The following MECOM variants were observed in gnomAD, a reference collection of about 807,000 sequenced individuals.
The protein encoded by MECOM is MDS1 and EVI1 complex locus, also known as histone-lysine N-methyltransferase MECOM.
MECOM carries 13 observed loss-of-function variants against 116.3 expected under a neutral mutation model. The ratio of observed to expected loss-of-function variants is 0.11; its 90% CI spans 0.07 to 0.18. The LOEUF is 0.18. MECOM is among the 10% of genes least tolerant of loss of function. The probability of loss-of-function intolerance (pLI) is 1.00; values close to 1 mark genes in which losing one functional copy is unlikely to be tolerated. For missense variants in MECOM, 1,299 were observed against 1,509.0 expected (o/e 0.86, Z 2.31); for synonymous variants, 528 against 535.2 (o/e 0.99, Z 0.19).
chr3:169,234,799 C>T (rs1031663902), intron 2 of MECOM, among the ~76,000 whole-genome samples: 8 of 152,036 alleles, frequency 5.3e-5, no homozygotes, highest in Admixed American at 2.0e-4. Context: ...TTGACAATAC[C>T]ATCTATATGT....
At chr3:169,265,400 C>G (rs988714479) in intron 2 of MECOM, among the ~76,000 whole-genome samples, 3 of 152,220 alleles carry the variant, frequency 2.0e-5, no homozygotes, top group Non-Finnish European at 4.4e-5. Flanking sequence ...ATATCCTTCT[C>G]TATAGCAAGA....
At chr3:169,209,125 A>G (rs143456914) in intron 2 of MECOM, among the ~76,000 whole-genome samples, 2,580 of 152,252 alleles carry the variant, frequency 0.017, 38 homozygotes, top group Non-Finnish European at 0.021. Flanking sequence ...ATGGTGCTGG[A>G]AAATCTGGCT....
At chr3:169,231,014 C>T (rs1287407388) in intron 2 of MECOM, among the ~76,000 whole-genome samples, 2 of 152,022 alleles carry the variant, frequency 1.3e-5, no homozygotes, top group East Asian at 1.9e-4. Context: ...CTTCTCTCAT[C>T]CTTCATTCAT....
intron 2 of MECOM, among the ~76,000 whole-genome samples, chr3:169,268,663 C>T (rs765792740): frequency 1.2e-4 from 19 of 152,154 alleles, no homozygotes; most frequent in Admixed American, 3.9e-4. Flanking sequence ...TGCAACTTAC[C>T]GCACTCAACA....
At chr3:169,250,840 G>A (rs1756163219) in intron 2 of MECOM, among the ~76,000 whole-genome samples, 1 of 152,202 alleles carries the variant, frequency 6.6e-6, no homozygotes, top group Non-Finnish European at 1.5e-5. Context: ...CCCTTAAGAT[G>A]ATGGTAACTT....
rs77019304 is a variant in MECOM at position 169,205,417 on chromosome 3, T to G, written c.376-61585A>C. On this transcript the variant is annotated intron_variant, in intron 2 of 16. Coordinates refer to ENST00000651503, the MANE Select transcript of MECOM (RefSeq NM_004991.4). Reference sequence around the variant, plus strand: ...GAGTAGAAATGTACTCTTCTCCAGATGTACAGAATACTAATTTGAAAATGA... The same window carrying G: ...GAGTAGAAATGTACTCTTCTCCAGAGGTACAGAATACTAATTTGAAAATGA... Among the ~76,000 whole-genome samples, 67 of 152,328 alleles carry G rather than the reference T, an allele frequency of 4.4e-4. 1 individual carries two copies. The East Asian group carries it at 0.012, about 27-fold the overall frequency.
intron 2 of MECOM, among the ~76,000 whole-genome samples, chr3:169,183,938 C>G (rs536737192): frequency 6.6e-6 from 1 of 151,804 alleles, no homozygotes; most frequent in East Asian, 1.9e-4. Context: ...GATCTCGGCT[C>G]ACTGCAAGCT....
At chr3:169,424,648 A>G (rs1265382177) in intron 1 of MECOM, among the ~76,000 whole-genome samples, 1 of 152,124 alleles carries the variant, frequency 6.6e-6, no homozygotes, top group Non-Finnish European at 1.5e-5. Context: ...AGCTGCCTTT[A>G]TTTGAGCAAG....
intron 1 of MECOM, among the ~76,000 whole-genome samples, chr3:169,518,397 C>T (rs1756955881): frequency 1.3e-5 from 2 of 152,198 alleles, no homozygotes; most frequent in South Asian, 4.1e-4. Flanking sequence ...CCTAAAAATG[C>T]TTTTTAAAAT....
rs1560340299 is a variant in MECOM at position 169,485,935 on chromosome 3, ATATATGTATGTATATATGTACATATATAC to A, written c.38-104440_38-104412del. On this transcript the variant is annotated intron_variant, in intron 1 of 16. Coordinates refer to ENST00000651503, the MANE Select transcript of MECOM (RefSeq NM_004991.4). ...TGTATGTATATATAGTATATATAGT[ATATATGTATGTATATATGTACATATATAC>A]TATATATACATATATATATAGTATA... Among the ~76,000 whole-genome samples, 4 of 72,074 alleles carry A rather than the reference ATATATGTATGTATATATGTACATATATAC, an allele frequency of 5.5e-5. 1 individual carries two copies. The highest frequency in any genetic ancestry group is 2.7e-4 in the African/African-American group (4 of 14,880). 47.3% of individuals were successfully genotyped at this position (72,074 alleles called of 152,430 possible).
intron 2 of MECOM, among the ~76,000 whole-genome samples, chr3:169,330,125 A>G (rs752411598): frequency 6.6e-6 from 1 of 152,138 alleles, no homozygotes. Flanking sequence ...TCCCAGGCTT[A>G]AGTGATCCTC....
At chr3:169,326,180 T>C (rs1388436799) in intron 2 of MECOM, among the ~76,000 whole-genome samples, 4 of 152,014 alleles carry the variant, frequency 2.6e-5, no homozygotes, top group African/African-American at 7.3e-5. Flanking sequence ...TAGGATCTTG[T>C]TAAGGATCCA....
chr3:169,116,149 C>T lies in MECOM; in HGVS notation c.1723G>A (p.Asp575Asn). 1 of 1,614,202 alleles carries T rather than the reference C, an allele frequency of 6.2e-7. No homozygotes were observed. Among genetic ancestry groups the T allele is most frequent in the Non-Finnish European group, 8.5e-7 (1 of 1,180,042 alleles). Residue 575 changes from aspartate to asparagine, a missense_variant, in exon 8 of 17, where the codon GAC becomes AAC. Transcript: ENST00000651503. Reference protein sequence around the residue: ...SEERPFEKISDQSESSDLDDV... With the variant: ...SEERPFEKISNQSESSDLDDV... ...TCAAGGTCACTACTCTCTGACTGGTCACTGATTTTCTCAAAGGGCCTCTCT... is the reference window on the plus strand; with the variant it reads ...TCAAGGTCACTACTCTCTGACTGGTTACTGATTTTCTCAAAGGGCCTCTCT...
At chr3:169,345,515 A>G (rs1425578928) in intron 2 of MECOM, among the ~76,000 whole-genome samples, 1 of 152,160 alleles carries the variant, frequency 6.6e-6, no homozygotes, top group Non-Finnish European at 1.5e-5. Context: ...ATAGAGTTCT[A>G]CTGGGTAGCA....
At chr3:169,518,583 C>T (rs1053011467) in intron 1 of MECOM, among the ~76,000 whole-genome samples, 3 of 152,064 alleles carry the variant, frequency 2.0e-5, no homozygotes, top group Admixed American at 1.3e-4. Context: ...TTTCACTTTA[C>T]CCCAGTTTTT....
intron 2 of MECOM, among the ~76,000 whole-genome samples, chr3:169,166,173 A>T (rs1357135052): frequency 6.6e-6 from 1 of 152,188 alleles, no homozygotes; most frequent in African/African-American, 2.4e-5. Flanking sequence ...TTATTCTTGA[A>T]TGAAACATAA....
At chr3:169,377,085 C>T (rs2108235890) in intron 2 of MECOM, among the ~76,000 whole-genome samples, 1 of 152,224 alleles carries the variant, frequency 6.6e-6, no homozygotes, top group South Asian at 2.1e-4. Flanking sequence ...GGAAAGGATT[C>T]CCTATTTAAT....
chr3:169,455,262 C>T (rs1015190696), intron 1 of MECOM, among the ~76,000 whole-genome samples: 7 of 152,110 alleles, frequency 4.6e-5, no homozygotes, highest in Non-Finnish European at 1.0e-4. Flanking sequence ...TCTTCTGTGA[C>T]CCTCAATTCT....
chr3:169,575,732 G>A (rs1248755671), intron 1 of MECOM, among the ~76,000 whole-genome samples: 1 of 152,092 alleles, frequency 6.6e-6, no homozygotes, highest in Non-Finnish European at 1.5e-5. Flanking sequence ...CACGGATGCA[G>A]GTGTCTCCTT....
Sources: gnomAD v4.1 joint callset for allele counts (sites outside exome capture counted in the v4.1 genomes callset) on GRCh38, gnomAD v4.1.1 for gene constraint, MANE v1.5 for transcripts, NCBI Gene and HGNC (gene_info 2026-07-23, HGNC 2026-07-21) for gene names.